ATP8A1: variants seen among roughly 807,000 people sequenced by gnomAD.
ATP8A1 encodes the protein phospholipid-transporting ATPase IA.
ATP8A1 carries 90 observed loss-of-function variants against 177.7 expected under a neutral mutation model. That is an observed-to-expected ratio of 0.51 (90% CI 0.43 to 0.60). The LOEUF (loss-of-function observed/expected upper bound fraction) is 0.60, where lower values mean the gene tolerates loss of function less well. Ranked by LOEUF, ATP8A1 falls within the 20% of genes least tolerant of loss-of-function variation. The pLI is 0.00. For missense variants in ATP8A1, 1,072 were observed against 1,392.8 expected (o/e 0.77, Z 3.67); for synonymous variants, 493 against 485.9 (o/e 1.01, Z -0.19).
chr4:42,490,185 C>T (rs1391493977), intron 24 of ATP8A1, among the ~76,000 whole-genome samples: 1 of 152,206 alleles, frequency 6.6e-6, no homozygotes, highest in East Asian at 1.9e-4. Context: ...TTCCCATACC[C>T]ACAGCACCAC....
chr4:42,563,887 G>A (rs1403563884), intron 15 of ATP8A1, among the ~76,000 whole-genome samples: 1 of 152,180 alleles, frequency 6.6e-6, no homozygotes, highest in Admixed American at 6.5e-5. Context: ...CTGAGGTCAG[G>A]AGTACAAGAC....
rs114298883 is a variant in ATP8A1, at chr4:42,531,973, G to A, written c.1723-7126C>T. 8.5e-3 allele frequency among the ~76,000 whole-genome samples: 1,291 copies of A among 152,076 alleles called. 14 individuals are homozygous for A. The highest frequency in any genetic ancestry group is 0.03 in the African/African-American group (1,227 of 41,454). ...AAAAGTTAGCCAGGTGTGGTGGTGCGTGCTTGCAGTCCCAGTTACTCGGGA... is the reference window on the plus strand; with the variant it reads ...AAAAGTTAGCCAGGTGTGGTGGTGCATGCTTGCAGTCCCAGTTACTCGGGA... On this transcript the variant is annotated intron_variant, in intron 20 of 36. Coordinates refer to ENST00000381668, the MANE Select transcript of ATP8A1 (RefSeq NM_006095.2).
chr4:42,437,576 T>C (rs1303441440), intron 33 of ATP8A1, among the ~76,000 whole-genome samples: 12 of 152,234 alleles, frequency 7.9e-5, no homozygotes, highest in African/African-American at 2.2e-4. Context: ...ATTTTCCAAT[T>C]GTCTACCTTA....
At chr4:42,650,273 A>G (rs1217990966) in intron 1 of ATP8A1, among the ~76,000 whole-genome samples, 1 of 152,206 alleles carries the variant, frequency 6.6e-6, no homozygotes, top group Non-Finnish European at 1.5e-5. Flanking sequence ...AATGACACCT[A>G]CTTTGAGATT....
chr4:42,595,546 G>A (rs1734638668), intron 6 of ATP8A1, among the ~76,000 whole-genome samples: 1 of 152,056 alleles, frequency 6.6e-6, no homozygotes, highest in African/African-American at 2.4e-5. Context: ...AGGGCAAAGA[G>A]GAAAAATTAA....
intron 33 of ATP8A1, among the ~76,000 whole-genome samples, chr4:42,430,480 CTTT>C (rs368443741): frequency 6.3e-4 from 91 of 145,584 alleles, no homozygotes; most frequent in Non-Finnish European, 1.2e-3. Context: ...TCGCTAGTGC[CTTT>C]TTTTTTTTTC....
Position 42,507,174 on chromosome 4 carries a change from G to T in ATP8A1, c.1948-20C>A. The T allele has an allele frequency of 6.2e-7, 1 of 1,610,464 alleles. No homozygotes were observed. The highest frequency in any genetic ancestry group is 1.1e-5 in the South Asian group (1 of 89,950). On this transcript the variant is annotated intron_variant, in intron 22 of 36. Transcript: ENST00000381668. ...AAGATTCTGAAAAAAATTAGTGGTA[G>T]AAATGTTTTAAAAATCCGTTCATAT...
At chr4:42,602,977 A>AGTG (rs1168254886) in intron 5 of ATP8A1, among the ~76,000 whole-genome samples, 3 of 151,988 alleles carry the variant, frequency 2.0e-5, no homozygotes, top group African/African-American at 7.3e-5. Flanking sequence ...ACTGGTCAAT[A>AGTG]GTGTCTAGAG....
intron 35 of ATP8A1, among the ~76,000 whole-genome samples, chr4:42,418,420 G>T (rs73153077): frequency 0.038 from 5,840 of 152,204 alleles, 357 homozygotes; most frequent in African/African-American, 0.13. Flanking sequence ...TAATTGTCCT[G>T]CCTCCAATGA....
chr4:42,616,722 A>G (rs963149244), intron 4 of ATP8A1, among the ~76,000 whole-genome samples: 2 of 152,206 alleles, frequency 1.3e-5, no homozygotes, highest in Non-Finnish European at 2.9e-5. Flanking sequence ...AAGAGCACCT[A>G]CAAAATTACA....
intron 22 of ATP8A1, among the ~76,000 whole-genome samples, chr4:42,516,541 T>A (rs545494806): frequency 1.3e-5 from 2 of 152,364 alleles, no homozygotes; most frequent in Admixed American, 6.5e-5. Context: ...AGATAAATGA[T>A]TTACTTTCAG....
intron 24 of ATP8A1, among the ~76,000 whole-genome samples, chr4:42,500,504 AT>A (rs1723755195): frequency 6.6e-6 from 1 of 152,244 alleles, no homozygotes; most frequent in Non-Finnish European, 1.5e-5. Flanking sequence ...TTAAAAAATT[AT>A]TTATCAGAAA....
intron 25 of ATP8A1, among the ~76,000 whole-genome samples, chr4:42,467,871 T>G (rs1372718682): frequency 6.6e-6 from 1 of 152,202 alleles, no homozygotes; most frequent in Non-Finnish European, 1.5e-5. Context: ...CTTGCTAATT[T>G]GTTTGAGTTC....
chr4:42,637,100 C>A (rs575712366), intron 1 of ATP8A1: 63 of 517,496 alleles, frequency 1.2e-4, no homozygotes, highest in African/African-American at 9.4e-4. Flanking sequence ...CCTACCCAGA[C>A]TGGCTAGCCT....
chr4:42,615,238 T>C (rs1308703260), intron 5 of ATP8A1, among the ~76,000 whole-genome samples: 1 of 152,164 alleles, frequency 6.6e-6, no homozygotes, highest in African/African-American at 2.4e-5. Context: ...ATATAATGCC[T>C]ATTGTGGGAG....
At chr4:42,573,944 T>C (rs1228313340) in intron 14 of ATP8A1, among the ~76,000 whole-genome samples, 1 of 152,216 alleles carries the variant, frequency 6.6e-6, no homozygotes, top group African/African-American at 2.4e-5. Flanking sequence ...CACCTTTTGA[T>C]GTCTTTTCTA....
chr4:42,546,106 C>T (rs1728890521), intron 19 of ATP8A1, among the ~76,000 whole-genome samples: 1 of 152,122 alleles, frequency 6.6e-6, no homozygotes, highest in Admixed American at 6.5e-5. Flanking sequence ...GCCTTCCTTA[C>T]ACATGCCTGT....
intron 8 of ATP8A1, 22 bp downstream of exon 8, chr4:42,588,238 A>C (rs751090073): frequency 6.3e-7 from 1 of 1,576,030 alleles, no homozygotes; most frequent in Non-Finnish European, 8.7e-7. Flanking sequence ...GTGATTATAC[A>C]TATACTTGTA....
intron 27 of ATP8A1, among the ~76,000 whole-genome samples, chr4:42,463,721 T>G (rs1035942147): frequency 6.6e-6 from 1 of 152,202 alleles, no homozygotes; most frequent in Admixed American, 6.5e-5. Context: ...GATGTTATGT[T>G]TGACACATAA....
Sources: gnomAD v4.1 joint callset for allele counts (sites outside exome capture counted in the v4.1 genomes callset) on GRCh38, gnomAD v4.1.1 for gene constraint, MANE v1.5 for transcripts, NCBI Gene and HGNC (gene_info 2026-07-23, HGNC 2026-07-21) for gene names.